EXD3: variants seen among roughly 807,000 people sequenced by gnomAD.
EXD3 encodes exonuclease mut-7 homolog.
In EXD3, 92 loss-of-function variants were observed where a neutral mutation model predicts 98.0. The ratio of observed to expected loss-of-function variants is 0.94; its 90% CI spans 0.79 to 1.12. The LOEUF (loss-of-function observed/expected upper bound fraction) is 1.12. EXD3 is among the 50% of genes most tolerant of loss of function. The probability of loss-of-function intolerance (pLI) is 0.00; values close to 1 mark genes in which losing one functional copy is unlikely to be tolerated. For missense variants in EXD3, 1,222 were observed against 1,191.6 expected (o/e 1.03, Z -0.38); for synonymous variants, 569 against 526.0 (o/e 1.08, Z -1.12).
At chr9:137,317,806 GC>G (rs1218698659) in intron 19 of EXD3, among the ~76,000 whole-genome samples, 1 of 152,188 alleles carries the variant, frequency 6.6e-6, no homozygotes, top group East Asian at 1.9e-4. Context: ...GCTGAAACTT[GC>G]CCTGCAGTTC....
intron 2 of EXD3, among the ~76,000 whole-genome samples, chr9:137,388,921 G>C (rs1836751767): frequency 6.6e-6 from 1 of 152,096 alleles, no homozygotes; most frequent in African/African-American, 2.4e-5. Flanking sequence ...ACCCCGCCTG[G>C]GTCAGTCCTC....
intron 17 of EXD3, among the ~76,000 whole-genome samples, chr9:137,326,132 C>T (rs572431790): frequency 6.6e-6 from 1 of 151,254 alleles, no homozygotes; most frequent in East Asian, 1.9e-4. Context: ...CACTTCCTGG[C>T]GCTGTATTTG....
chr9:137,327,369 G>C (rs1832476143), intron 17 of EXD3, among the ~76,000 whole-genome samples: 1 of 152,140 alleles, frequency 6.6e-6, no homozygotes, highest in South Asian at 2.1e-4. Flanking sequence ...TCCTGACCTT[G>C]TGATCCGCCC....
chr9:137,351,241 C>G (rs1387255132), intron 13 of EXD3, 77 bp downstream of exon 13: 1 of 1,540,622 alleles, frequency 6.5e-7, no homozygotes, highest in African/African-American at 1.4e-5. Flanking sequence ...CCCCGGGGCA[C>G]ACGGAGGGAA....
At position 137,330,596 on chromosome 9, in the gene EXD3, A is replaced by G. The variant is rs1002559718; in HGVS notation, c.1999-6453T>C. On this transcript the variant is annotated intron_variant, in intron 17 of 21. Coordinates refer to ENST00000340951, the MANE Select transcript of EXD3 (RefSeq NM_017820.5). The stretch of plus-strand genomic sequence containing the variant: ...GAGCTACACAGGACTACACAGGACT[A>G]CACAGGACTACACAGGACTACACAG... Among the ~76,000 whole-genome samples the G allele has an allele frequency of 7.9e-5, 11 of 140,062 alleles. 1 individual carries two copies. Among genetic ancestry groups the G allele is most frequent in the African/African-American group, 2.9e-4 (11 of 37,884 alleles). The allele number at this position is 140,062 out of a possible 152,430, so 91.9% of individuals were successfully genotyped here. A position where few individuals can be genotyped will look rare whatever the true frequency, so the allele number is the denominator to read the frequency against.
chr9:137,359,039 T>C (rs1834931590), intron 7 of EXD3, among the ~76,000 whole-genome samples: 1 of 139,132 alleles, frequency 7.2e-6, no homozygotes, highest in African/African-American at 2.6e-5. Context: ...CTCCGCCTCC[T>C]GGGTTCATGC....
intron 1 of EXD3, among the ~76,000 whole-genome samples, chr9:137,398,051 C>T (rs953743983): frequency 2.6e-5 from 4 of 152,188 alleles, no homozygotes; most frequent in South Asian, 2.1e-4. Flanking sequence ...AATGGAAACT[C>T]GGCAATAAAA....
chr9:137,418,034 G>T (rs1838320416), intron 1 of EXD3, among the ~76,000 whole-genome samples: 1 of 152,130 alleles, frequency 6.6e-6, no homozygotes, highest in Non-Finnish European at 1.5e-5. Context: ...TGCCCTGGGT[G>T]ATGCCACTTC....
At chr9:137,318,953 C>T (rs971854511) in intron 19 of EXD3, among the ~76,000 whole-genome samples, 1 of 152,280 alleles carries the variant, frequency 6.6e-6, no homozygotes, top group African/African-American at 2.4e-5. Flanking sequence ...CCCAGCCTCG[C>T]TCTGGGAACC....
intron 7 of EXD3, among the ~76,000 whole-genome samples, chr9:137,358,978 G>A (rs1161854155): frequency 1.3e-5 from 2 of 150,206 alleles, no homozygotes; most frequent in African/African-American, 4.9e-5. Flanking sequence ...GCAGAATCTT[G>A]CTCTGTCGCC....
chr9:137,315,241 C>G (rs1380567247), intron 19 of EXD3, among the ~76,000 whole-genome samples: 1 of 152,234 alleles, frequency 6.6e-6, no homozygotes, highest in Non-Finnish European at 1.5e-5. Flanking sequence ...GGGCCTCAGC[C>G]TTTCCCTGGG....
chr9:137,347,988 G>A lies in EXD3; in HGVS notation c.1998+83C>T, dbSNP rs1452613538. ...GCAGCCATGGATGAGCTGGAGGGAG[G>A]AGTTTGATGCTAGGGGTGGGCACAC... On this transcript the variant is annotated intron_variant, in intron 17 of 21. Coordinates refer to ENST00000340951, the MANE Select transcript of EXD3 (RefSeq NM_017820.5). The surrounding 1 kb of genome is among the most constrained non-coding windows in gnomAD (Gnocchi z 4.2). The A allele has an allele frequency of 1.9e-5, 27 of 1,430,590 alleles. No homozygotes were observed. Among genetic ancestry groups the A allele is most frequent in the Admixed American group, 4.7e-5 (2 of 42,944 alleles). The allele number at this position is 1,430,590 out of a possible 1,614,324, so 88.6% of individuals were successfully genotyped here. A position where few individuals can be genotyped will look rare whatever the true frequency, so the allele number is the denominator to read the frequency against.
rs1836537409 is a variant in EXD3 at position 137,385,394 on chromosome 9, T to A, written c.56-2017A>T. ...CTGGGTGCTGCATGCTGGGCATGGC[T>A]GGCGATGGGGCCAGGGTGGGCTGGG... On this transcript the variant is annotated intron_variant, in intron 2 of 21. Coordinates refer to ENST00000340951, the MANE Select transcript of EXD3 (RefSeq NM_017820.5). This position sits in a 1 kb window ranked among gnomAD's most constrained non-coding sequence, Gnocchi z 4.4. Among the ~76,000 whole-genome samples, 1 of 137,584 alleles carries A rather than the reference T, an allele frequency of 7.3e-6. No individual in the cohort carries two copies. Among genetic ancestry groups the A allele is most frequent in the African/African-American group, 2.6e-5 (1 of 38,130 alleles). 90.3% of individuals were successfully genotyped at this position (137,584 alleles called of 152,430 possible). A position where few individuals can be genotyped will look rare whatever the true frequency, so the allele number is the denominator to read the frequency against.
At chr9:137,353,937 C>T (rs543469920) in intron 10 of EXD3, 36 of 1,035,266 alleles carry the variant, frequency 3.5e-5, no homozygotes, top group Non-Finnish European at 3.8e-5. Flanking sequence ...TCAGGACGTC[C>T]GCTGCCCTTC....
chr9:137,357,579 C>A (rs972017372), intron 7 of EXD3, among the ~76,000 whole-genome samples: 17 of 151,990 alleles, frequency 1.1e-4, no homozygotes, highest in African/African-American at 3.9e-4. Context: ...GGGCCCCCAT[C>A]TCCACTTCAC....
intron 8 of EXD3, among the ~76,000 whole-genome samples, chr9:137,355,721 A>AG (rs1588338359): frequency 7.5e-5 from 10 of 133,300 alleles, no homozygotes; most frequent in Admixed American, 3.0e-4. Context: ...GGAAGGAGGA[A>AG]GGAGGAAGGA....
intron 19 of EXD3, among the ~76,000 whole-genome samples, chr9:137,312,421 G>A (rs1432541924): frequency 4.6e-5 from 7 of 152,202 alleles, no homozygotes; most frequent in Admixed American, 2.0e-4. Context: ...CGCCGTGCCA[G>A]CCCTGACACA....
In EXD3 at chr9:137,318,952, G is replaced by A. The variant is rs77736712; in HGVS notation, c.2184+4773C>T. On this transcript the variant is annotated intron_variant, in intron 19 of 21. Coordinates refer to ENST00000340951, the MANE Select transcript of EXD3 (RefSeq NM_017820.5). ...ACCACCCAGAGAGCACCCCAGCCTC[G>A]CTCTGGGAACCCTGCACGTTGAGCG... 8.3e-3 allele frequency among the ~76,000 whole-genome samples: 1,261 copies of A among 152,362 alleles called. 13 individuals are homozygous for A. The highest frequency in any genetic ancestry group is 0.029 in the African/African-American group (1,195 of 41,582).
intron 9 of EXD3, 37 bp downstream of exon 9, chr9:137,354,663 G>C: frequency 6.2e-7 from 1 of 1,607,946 alleles, no homozygotes; most frequent in Non-Finnish European, 8.5e-7. Flanking sequence ...CTCAGGCCGC[G>C]GCTGGCTGCC....
Sources: gnomAD v4.1 joint callset for allele counts (sites outside exome capture counted in the v4.1 genomes callset) on GRCh38, gnomAD v4.1.1 for gene constraint, Gnocchi (gnomAD v3.1) non-coding constraint, MANE v1.5 for transcripts, NCBI Gene and HGNC (gene_info 2026-07-23, HGNC 2026-07-21) for gene names.